Variants in LSAMP observed in about 807,000 individuals in gnomAD.
The protein encoded by LSAMP is limbic system associated membrane protein.
In LSAMP, 7 loss-of-function variants were observed where a neutral mutation model predicts 38.6. The observed-to-expected ratio is 0.18, with a 90% CI of 0.10 to 0.34. The LOEUF (loss-of-function observed/expected upper bound fraction) is 0.34, where lower values mean the gene tolerates loss of function less well. Ranked by LOEUF, LSAMP falls within the 10% of genes least tolerant of loss-of-function variation. LSAMP has a pLI of 1.00. For synonymous variants in LSAMP, 154 were observed against 166.8 expected, an observed-to-expected ratio of 0.92 and a Z score of 0.59; for missense variants, 313 against 420.0, an observed-to-expected ratio of 0.75 and a Z score of 2.23.
At chr3:116,356,182 G>A (rs545572117) in intron 1 of LSAMP, among the ~76,000 whole-genome samples, 1 of 152,248 alleles carries the variant, frequency 6.6e-6, no homozygotes, top group Admixed American at 6.5e-5. Context: ...AGCAATCTAA[G>A]TGTCCATCAA....
chr3:116,198,647 T>A (rs1318796925), intron 1 of LSAMP, among the ~76,000 whole-genome samples: 1 of 151,926 alleles, frequency 6.6e-6, no homozygotes, highest in Non-Finnish European at 1.5e-5. Flanking sequence ...AGCGGGCAGC[T>A]GTAGTCCCTG....
At chr3:115,952,529 A>T (rs180783529) in intron 3 of LSAMP, among the ~76,000 whole-genome samples, 2 of 152,324 alleles carry the variant, frequency 1.3e-5, no homozygotes, top group Non-Finnish European at 2.9e-5. Flanking sequence ...AGGACACGAA[A>T]GCATAAGAAT....
At chr3:115,894,367 T>A (rs1370049257) in intron 3 of LSAMP, among the ~76,000 whole-genome samples, 2 of 151,988 alleles carry the variant, frequency 1.3e-5, no homozygotes, top group Non-Finnish European at 2.9e-5. Context: ...GGAAATAAAG[T>A]ATGTGCTCAC....
intron 1 of LSAMP, among the ~76,000 whole-genome samples, chr3:116,344,298 A>C (rs970951483): frequency 6.6e-6 from 1 of 152,178 alleles, no homozygotes; most frequent in Non-Finnish European, 1.5e-5. Context: ...GAAATTGTAG[A>C]AGAAAATGCA....
At position 116,228,007 on chromosome 3, in the gene LSAMP, T is replaced by G. The variant is rs2046361503; in HGVS notation, c.156-141451A>C. On this transcript the variant is annotated intron_variant, in intron 1 of 6. Coordinates refer to ENST00000490035, the MANE Select transcript of LSAMP (RefSeq NM_002338.5). ...ATAGTGACCACAGTCTGAGTATTAC[T>G]TTTTAAAGGTAGCCTAAGCCTGGCC... is the stretch of plus-strand genomic sequence containing the variant. Among the ~76,000 whole-genome samples the G allele has an allele frequency of 4.6e-5, 7 of 152,290 alleles. 1 individual carries two copies. In the South Asian group the frequency reaches 1.4e-3, roughly 32 times the overall value.
chr3:116,206,945 T>A (rs1467726186), intron 1 of LSAMP, among the ~76,000 whole-genome samples: 1 of 150,352 alleles, frequency 6.7e-6, no homozygotes, highest in African/African-American at 2.4e-5. Context: ...CTGAGTTCAA[T>A]TCCTGGGTAT....
At chr3:116,339,338 T>C (rs2047962661) in intron 1 of LSAMP, among the ~76,000 whole-genome samples, 1 of 151,686 alleles carries the variant, frequency 6.6e-6, no homozygotes, top group African/African-American at 2.4e-5. Flanking sequence ...AGATTTATCG[T>C]GCTTTCCAGA....
intron 2 of LSAMP, among the ~76,000 whole-genome samples, chr3:116,042,388 ACT>A (rs1451346952): frequency 6.7e-6 from 1 of 150,002 alleles, no homozygotes; most frequent in Admixed American, 6.6e-5. Context: ...CGGTCTTAAG[ACT>A]CTGGCAGTAT....
chr3:116,079,597 G>A (rs565328755), intron 2 of LSAMP, among the ~76,000 whole-genome samples: 4 of 140,114 alleles, frequency 2.9e-5, no homozygotes, highest in East Asian at 4.1e-4. Context: ...AGGCCACTGC[G>A]CTCCAGCCTG....
chr3:116,297,693 G>A (rs866979677), intron 1 of LSAMP, among the ~76,000 whole-genome samples: 37 of 151,878 alleles, frequency 2.4e-4, no homozygotes, highest in African/African-American at 8.7e-4. Context: ...CAAAACATGG[G>A]GTGATTTGAA....
chr3:116,444,661 C>G (rs1348589061), intron 1 of LSAMP, among the ~76,000 whole-genome samples: 1 of 151,540 alleles, frequency 6.6e-6, no homozygotes, highest in East Asian at 2.0e-4. Flanking sequence ...TGACAGGGAC[C>G]AGAATTCCCT....
At chr3:116,272,534 A>G (rs1183008095) in intron 1 of LSAMP, among the ~76,000 whole-genome samples, 14 of 152,200 alleles carry the variant, frequency 9.2e-5, no homozygotes. Context: ...GCAATTTCTC[A>G]ATGAAGAATT....
intron 1 of LSAMP, among the ~76,000 whole-genome samples, chr3:116,274,731 T>G (rs2047023666): frequency 1.3e-5 from 2 of 152,022 alleles, no homozygotes; most frequent in South Asian, 4.1e-4. Flanking sequence ...TCTTTTTGGT[T>G]AAACCATTTT....
intron 3 of LSAMP, among the ~76,000 whole-genome samples, chr3:115,949,316 T>C (rs1324738774): frequency 6.6e-6 from 1 of 152,152 alleles, no homozygotes; most frequent in Admixed American, 6.5e-5. Flanking sequence ...CTTCAGTTTA[T>C]TTGGATCTTT....
intron 2 of LSAMP, among the ~76,000 whole-genome samples, chr3:116,053,799 G>A (rs1048586145): frequency 2.0e-5 from 3 of 152,186 alleles, no homozygotes; most frequent in African/African-American, 7.2e-5. Flanking sequence ...GAGAGTAATA[G>A]TCAGTGCTGT....
At chr3:116,131,764 C>T (rs1709139503) in intron 1 of LSAMP, among the ~76,000 whole-genome samples, 1 of 151,874 alleles carries the variant, frequency 6.6e-6, no homozygotes, top group Admixed American at 6.6e-5. Flanking sequence ...ATAAACCCAA[C>T]CCACAGTGTC....
At chr3:116,236,951 C>CATAT (rs10632740) in intron 1 of LSAMP, among the ~76,000 whole-genome samples, 6,783 of 148,842 alleles carry the variant, frequency 0.046, 218 homozygotes, top group African/African-American at 0.098. Context: ...CAACATAAGC[C>CATAT]ATATATATAT....
At chr3:116,069,452 A>G (rs553776878) in intron 2 of LSAMP, among the ~76,000 whole-genome samples, 143 of 152,368 alleles carry the variant, frequency 9.4e-4, no homozygotes, top group African/African-American at 3.0e-3. Flanking sequence ...AAGATTTTTA[A>G]GACAGGAAAT....
chr3:115,878,095 T>C (rs963224527), intron 3 of LSAMP, among the ~76,000 whole-genome samples: 11 of 152,116 alleles, frequency 7.2e-5, no homozygotes, highest in African/African-American at 1.4e-4. Flanking sequence ...GGAGTACCAA[T>C]GCTGATTTGA....
Sources: allele counts gnomAD v4.1 joint callset (sites outside exome capture counted in the v4.1 genomes callset), GRCh38; gene constraint gnomAD v4.1.1; transcripts MANE v1.5; gene names NCBI Gene and HGNC (gene_info 2026-07-23, HGNC 2026-07-21).